Variants in FRYL observed in about 807,000 individuals in gnomAD.
FRYL encodes protein furry homolog-like.
FRYL carries 150 observed loss-of-function variants against 351.2 expected under a neutral mutation model. The observed-to-expected ratio is 0.43, with a 90% CI of 0.37 to 0.49. The LOEUF is 0.49. Among genes scored for constraint, FRYL ranks in the 20% least tolerant of loss-of-function variants. FRYL has a pLI of 0.00. For synonymous variants in FRYL, 1,153 were observed against 1,257.1 expected, an observed-to-expected ratio of 0.92 and a Z score of 1.75; for missense variants, 3,036 against 3,619.3, an observed-to-expected ratio of 0.84 and a Z score of 4.13.
At chr4:48,603,965 G>A (rs1171638052) in intron 11 of FRYL, among the ~76,000 whole-genome samples, 5 of 152,124 alleles carry the variant, frequency 3.3e-5, no homozygotes, top group Admixed American at 3.3e-4. Flanking sequence ...TTTCGATGTG[G>A]TGGTCTTCCC....
At chr4:48,664,573 G>T (rs2149484621) in intron 3 of FRYL, among the ~76,000 whole-genome samples, 1 of 152,206 alleles carries the variant, frequency 6.6e-6, no homozygotes, top group South Asian at 2.1e-4. Flanking sequence ...GCCCGGTATG[G>T]GTCACATAAA....
intron 3 of FRYL, among the ~76,000 whole-genome samples, chr4:48,650,999 C>G (rs923984115): frequency 6.6e-6 from 1 of 152,090 alleles, no homozygotes; most frequent in African/African-American, 2.4e-5. Flanking sequence ...GTACTACCTA[C>G]CATCATGGAG....
At chr4:48,600,633 C>T (rs1362012523) in intron 13 of FRYL, among the ~76,000 whole-genome samples, 2 of 152,038 alleles carry the variant, frequency 1.3e-5, no homozygotes, top group Non-Finnish European at 2.9e-5. Flanking sequence ...CAACAAGCAA[C>T]AGAAAAGTAT....
chr4:48,557,151 CA>C, intron 34 of FRYL, 33 bp from the exon 35 acceptor site: 1 of 1,554,670 alleles, frequency 6.4e-7, no homozygotes. Context: ...ATACTTCAGT[CA>C]TGACTGCCTA....
intron 1 of FRYL, among the ~76,000 whole-genome samples, chr4:48,768,633 T>A (rs1346676195): frequency 2.0e-5 from 3 of 151,840 alleles, no homozygotes; most frequent in African/African-American, 7.3e-5. Flanking sequence ...TGAAACCCTG[T>A]CTCTACTAAA....
intron 42 of FRYL, 129 bp from the exon 43 acceptor site, chr4:48,545,033 T>C: frequency 1.2e-6 from 1 of 842,518 alleles, no homozygotes; most frequent in Non-Finnish European, 1.8e-6. Flanking sequence ...CACAGTCTAC[T>C]ACTACTTAGG....
rs148293471 is a variant in FRYL, at chr4:48,659,219, T to A, written c.-80-24729A>T. Among the ~76,000 whole-genome samples the A allele has an allele frequency of 3.1e-3, 469 of 151,416 alleles. 3 individuals are homozygous for A. Among genetic ancestry groups the A allele is most frequent in the Middle Eastern group, 0.031 (9 of 294 alleles). ...TACAAAAATTAGCCAGGCATAGTGG[T>A]GTGCGCTTGTAGTCCCAGCTACTCG... On this transcript the variant is annotated intron_variant, in intron 3 of 63. Coordinates refer to ENST00000358350, the MANE Select transcript of FRYL (RefSeq NM_015030.2).
At chr4:48,590,564 T>A in intron 17 of FRYL, 95 bp downstream of exon 17, 1 of 923,310 alleles carries the variant, frequency 1.1e-6, no homozygotes. Context: ...AAAACCATAT[T>A]AGGCAAATTT....
chr4:48,656,302 T>TATTA (rs1758963942), intron 3 of FRYL, among the ~76,000 whole-genome samples: 3 of 5,892 alleles, frequency 5.1e-4, no homozygotes, highest in Non-Finnish European at 8.6e-4. Context: ...AATTTGTATA[T>TATTA]TATATTATAT....
chr4:48,580,292 G>C lies in FRYL; in HGVS notation c.2259+573C>G, dbSNP rs113556933. Among the ~76,000 whole-genome samples, 683 of 152,148 alleles carry C rather than the reference G, an allele frequency of 4.5e-3. 4 individuals are homozygous for C. The highest frequency in any genetic ancestry group is 0.015 in the African/African-American group (634 of 41,536). ...CATCAACTTTGGAATCTTAATATAT[G>C]ACCTTTTACCCAACCAAGACCAAGC... On this transcript the variant is annotated intron_variant, in intron 22 of 63. Transcript: ENST00000358350.
At position 48,593,966 on chromosome 4, in the gene FRYL, A is replaced by G. The variant is rs1744070321; in HGVS notation, c.1299T>C (p.Val433=). Residue 433 remains valine, a synonymous_variant, in exon 16 of 64, where the codon GTT becomes GTC. Transcript: ENST00000358350. ...TGGTGAAAGTTTTAGTAGATTTTCC[A>G]ACACTGAGAAGATCAAATATTATTT... ...MKEIIFDLLS[V]GKSTKTFTIN... is the part of the protein sequence containing the mutation. 6.8e-7 allele frequency: 1 copy of G among 1,476,216 alleles called. No individual in the cohort carries two copies. The allele number at this position is 1,476,216 out of a possible 1,614,324, so 91.4% of individuals were successfully genotyped here. A position where few individuals can be genotyped will look rare whatever the true frequency, so the allele number is the denominator to read the frequency against.
chr4:48,513,765 A>G (rs1722968811), intron 56 of FRYL, among the ~76,000 whole-genome samples: 1 of 152,248 alleles, frequency 6.6e-6, no homozygotes, highest in Non-Finnish European at 1.5e-5. Context: ...TAAAACTGTC[A>G]CTGTGGTGAT....
chr4:48,501,559 A>G, intron 62 of FRYL, 64 bp downstream of exon 62: 1 of 874,032 alleles, frequency 1.1e-6, no homozygotes, highest in Non-Finnish European at 1.9e-6. Context: ...TTAACAAGTA[A>G]TAGATTTTAT....
chr4:48,591,629 G>C (rs1371295902), intron 16 of FRYL, among the ~76,000 whole-genome samples: 1 of 152,094 alleles, frequency 6.6e-6, no homozygotes, highest in African/African-American at 2.4e-5. Flanking sequence ...CTGCATTTCA[G>C]GTTTGGCCTC....
intron 8 of FRYL, 95 bp downstream of exon 8, chr4:48,609,649 C>A (rs1416141569): frequency 9.0e-6 from 5 of 555,602 alleles, no homozygotes; most frequent in African/African-American, 2.0e-5. Flanking sequence ...ATAAGAATTG[C>A]CTTGAACTCT....
intron 3 of FRYL, among the ~76,000 whole-genome samples, chr4:48,669,375 A>C (rs908335453): frequency 3.9e-5 from 6 of 152,012 alleles, no homozygotes; most frequent in Admixed American, 6.5e-5. Flanking sequence ...TGGTCCTGGG[A>C]TGAGGGCAGG....
At chr4:48,662,766 A>G (rs1394336299) in intron 3 of FRYL, among the ~76,000 whole-genome samples, 3 of 410 alleles carry the variant, frequency 7.3e-3, no homozygotes, top group South Asian at 0.056. Context: ...TCTCCTGAAG[A>G]AAAAAAAAAA....
chr4:48,689,248 C>T (rs1765467156), intron 2 of FRYL, among the ~76,000 whole-genome samples: 1 of 152,162 alleles, frequency 6.6e-6, no homozygotes, highest in Admixed American at 6.5e-5. Context: ...TTTCCATTCA[C>T]AATTTTAAGA....
At chr4:48,589,377 AT>A (rs58252414) in intron 18 of FRYL, among the ~76,000 whole-genome samples, 72,407 of 146,516 alleles carry the variant, frequency 0.49, 17,938 homozygotes, top group South Asian at 0.61. Context: ...GATTTTCAGG[AT>A]TTTTTTTTTT....
Sources: gnomAD v4.1 joint callset for allele counts (sites outside exome capture counted in the v4.1 genomes callset) on GRCh38, gnomAD v4.1.1 for gene constraint, MANE v1.5 for transcripts, NCBI Gene and HGNC (gene_info 2026-07-23, HGNC 2026-07-21) for gene names.